Variants in GAPT observed in about 807,000 individuals in gnomAD.
GAPT encodes protein GAPT.
For missense variants in GAPT, 206 were observed against 189.2 expected (o/e 1.09, Z -0.52); for synonymous variants, 82 against 69.7 (o/e 1.18, Z -0.88).
rs1361787631 is a variant in GAPT, at chr5:58,495,332, AT to A, written c.*323del. 9.6e-5 allele frequency: 26 copies of A among 270,682 alleles called. No individual in the cohort carries two copies. Among genetic ancestry groups the A allele is most frequent in the African/African-American group, 5.1e-4 (23 of 44,956 alleles). The allele number at this position is 270,682 out of a possible 1,614,324, so 16.8% of individuals were successfully genotyped here. On this transcript the variant is annotated 3_prime_UTR_variant, in exon 3 of 3. Coordinates refer to ENST00000502276, the MANE Select transcript of GAPT (RefSeq NM_001304431.2). ...AGGGAGAGGTTCAGGGAAAAAAAAA[AT>A]ATCAGGTACTATGCTTAGTACACAC...
Position 58,496,806 on chromosome 5 carries a change from C to G in GAPT, c.*1796C>G, listed in dbSNP as rs1424296940. ...CTTCCATCATTCCCAGGACCAGCTT[C>G]TCTGCAACCTGTCAGAAGCACCAGC... On this transcript the variant is annotated 3_prime_UTR_variant, in exon 3 of 3. Coordinates refer to ENST00000502276, the MANE Select transcript of GAPT (RefSeq NM_001304431.2). 1 of 167,508 alleles carries G rather than the reference C, an allele frequency of 6.0e-6. No individual in the cohort carries two copies. The highest frequency in any genetic ancestry group is 2.4e-5 in the African/African-American group (1 of 41,470). 10.4% of individuals were successfully genotyped at this position (167,508 alleles called of 1,614,324 possible).
intron 2 of GAPT, 30 bp downstream of exon 2, chr5:58,493,868 A>G (rs1292835273): frequency 1.3e-5 from 2 of 152,264 alleles, no homozygotes; most frequent in East Asian, 3.9e-4. Context: ...GTGTCTGTAT[A>G]TGTCCCTTTT....
chr5:58,495,745 T>G lies in GAPT; in HGVS notation c.*735T>G, dbSNP rs1744430498. 6.0e-6 allele frequency: 1 copy of G among 166,200 alleles called. No homozygotes were observed. The highest frequency in any genetic ancestry group is 1.5e-5 in the Non-Finnish European group (1 of 68,126). The allele number at this position is 166,200 out of a possible 1,614,324, so 10.3% of individuals were successfully genotyped here. On this transcript the variant is annotated 3_prime_UTR_variant, in exon 3 of 3. Transcript: ENST00000502276. ...CCTAACTGTTCCTCCTGCTTCTAGT[T>G]TCTACCCACTCAATCAATTACCGAT...
chr5:58,496,127 C>A lies in GAPT; in HGVS notation c.*1117C>A, dbSNP rs1259956235. ...TATTTTCTGATATAAGCTTTGATGC[C>A]TCTTCAATTCTTAGGACATTTAAAC... On this transcript the variant is annotated 3_prime_UTR_variant, in exon 3 of 3. Coordinates refer to ENST00000502276, the MANE Select transcript of GAPT (RefSeq NM_001304431.2). 6.0e-6 allele frequency: 1 copy of A among 166,770 alleles called. No homozygotes were observed. The highest frequency in any genetic ancestry group is 6.5e-5 in the Admixed American group (1 of 15,274). The allele number at this position is 166,770 out of a possible 1,614,324, so 10.3% of individuals were successfully genotyped here.
intron 1 of GAPT, among the ~76,000 whole-genome samples, chr5:58,492,816 G>A (rs1255710337): frequency 6.6e-6 from 1 of 151,968 alleles, no homozygotes; most frequent in South Asian, 2.1e-4. Context: ...ATCCCATAAG[G>A]AGATTACTTC....
At position 58,494,966 on chromosome 5, in the gene GAPT, G is replaced by T; in HGVS notation, c.430G>T (p.Val144Phe). The change falls in exon 3 of 3, where the codon GTT (valine) becomes TTT (phenylalanine). Residue 144 changes from valine to phenylalanine, a missense_variant. Val to Phe is a conservative substitution (Grantham distance 50). Transcript: ENST00000502276. ...YNFQKPRPSE[V>F]PQDEDIYILP... Reference sequence around the variant, plus strand: ...CTTCCAGAAGCCTCGTCCTTCTGAAGTTCCTCAAGATGAAGATATATACAT... The same window carrying T: ...CTTCCAGAAGCCTCGTCCTTCTGAATTTCCTCAAGATGAAGATATATACAT... 1 of 1,612,990 alleles carries T rather than the reference G, an allele frequency of 6.2e-7. No individual in the cohort carries two copies. The highest frequency in any genetic ancestry group is 8.5e-7 in the Non-Finnish European group (1 of 1,179,250).
Position 58,494,835 on chromosome 5 carries a change from C to A in GAPT, c.299C>A (p.Pro100His), listed in dbSNP as rs367779138. Residue 100 changes from proline to histidine, a missense_variant, in exon 3 of 3, where the codon CCT (proline) becomes CAT (histidine). Pro to His is a moderately conservative substitution (Grantham distance 77, BLOSUM62 -2). Coordinates refer to ENST00000502276, the MANE Select transcript of GAPT (RefSeq NM_001304431.2). ...AACTATGAAAATGTGGAAGCAGGTCCTCCCAAAGCTAAAGGAAAAACCGAT... is the reference window on the plus strand; with the variant it reads ...AACTATGAAAATGTGGAAGCAGGTCATCCCAAAGCTAAAGGAAAAACCGAT... ...HDNYENVEAG[P>H]PKAKGKTDKE... 3 of 1,613,956 alleles carry A rather than the reference C, an allele frequency of 1.9e-6. No individual in the cohort carries two copies. The highest frequency in any genetic ancestry group is 1.1e-5 in the South Asian group (1 of 91,086).
Position 58,495,474 on chromosome 5 carries a change from T to C in GAPT, c.*464T>C. The C allele has an allele frequency of 5.9e-6, 1 of 169,146 alleles. No homozygotes were observed. The allele number at this position is 169,146 out of a possible 1,614,324, so 10.5% of individuals were successfully genotyped here. ...TTAAAATATTAAAAATAATTCACTG[T>C]GATTTTTATTGTACTGATGCCATTC... is the stretch of plus-strand genomic sequence containing the variant. On this transcript the variant is annotated 3_prime_UTR_variant, in exon 3 of 3. Coordinates refer to ENST00000502276, the MANE Select transcript of GAPT (RefSeq NM_001304431.2).
At position 58,494,411 on chromosome 5, in the gene GAPT, T is replaced by C; in HGVS notation, c.-126T>C. The C allele has an allele frequency of 1.4e-6, 1 of 715,860 alleles. No homozygotes were observed. 44.3% of individuals were successfully genotyped at this position (715,860 alleles called of 1,614,324 possible). ...CTTTACCAGATAATGTTCTTCCAGA[T>C]CTGAAAAGGAAAATGCCTAAAAGAG... On this transcript the variant is annotated 5_prime_UTR_variant, in exon 3 of 3. Coordinates refer to ENST00000502276, the MANE Select transcript of GAPT (RefSeq NM_001304431.2).
intron 1 of GAPT, among the ~76,000 whole-genome samples, chr5:58,492,144 C>T (rs955918456): frequency 1.3e-5 from 2 of 151,952 alleles, no homozygotes; most frequent in African/African-American, 4.8e-5. Flanking sequence ...GTAAAAATGC[C>T]TTTTCTTCTT....
chr5:58,493,871 T>C (rs1744341697), intron 2 of GAPT, 33 bp downstream of exon 2: 1 of 152,162 alleles, frequency 6.6e-6, no homozygotes, highest in South Asian at 2.1e-4. Flanking sequence ...TCTGTATATG[T>C]CCCTTTTTTT....
chr5:58,492,178 G>A (rs761738101), intron 1 of GAPT, among the ~76,000 whole-genome samples: 9 of 152,076 alleles, frequency 5.9e-5, no homozygotes, highest in African/African-American at 2.4e-5. Context: ...GTAATTTATT[G>A]CCTTATCCTC....
At position 58,494,987 on chromosome 5, in the gene GAPT, T is replaced by C. The variant is rs757004472; in HGVS notation, c.451T>C (p.Tyr151His). The C allele has an allele frequency of 9.9e-5, 158 of 1,600,038 alleles. No homozygotes were observed. Among genetic ancestry groups the C allele is most frequent in the Non-Finnish European group, 1.3e-4 (153 of 1,169,124 alleles). ...TGAAGTTCCTCAAGATGAAGATATA[T>C]ACATTCTTCCAGATTCATATTAGCT... ...PSEVPQDEDI[Y>H]ILPDSY Residue 151 changes from tyrosine (Y) to histidine (H), a missense_variant, in exon 3 of 3, where the codon TAC becomes CAC. Tyr to His is a moderately conservative substitution (Grantham distance 83). Coordinates refer to ENST00000502276, the MANE Select transcript of GAPT (RefSeq NM_001304431.2).
At position 58,494,923 on chromosome 5, in the gene GAPT, A is replaced by C. The variant is rs1326136751; in HGVS notation, c.387A>C (p.Thr129=). The C allele has an allele frequency of 6.2e-7, 1 of 1,613,994 alleles. No homozygotes were observed. The highest frequency in any genetic ancestry group is 1.7e-5 in the Admixed American group (1 of 59,998). ...NFEEHIYGNE[T]SSDYYNFQKP... ...AGGAGCATATCTATGGAAATGAGAC[A>C]TCTTCTGACTATTATAACTTCCAGA... Residue 129 remains threonine, a synonymous_variant, in exon 3 of 3, where the codon ACA becomes ACC. Transcript: ENST00000502276.
rs528720528 is a variant in GAPT, at chr5:58,494,498, G to A, written c.-39G>A. 6.7e-7 allele frequency: 1 copy of A among 1,490,236 alleles called. No individual in the cohort carries two copies. The highest frequency in any genetic ancestry group is 1.4e-5 in the African/African-American group (1 of 71,662). The allele number at this position is 1,490,236 out of a possible 1,614,324, so 92.3% of individuals were successfully genotyped here. A position where few individuals can be genotyped will look rare whatever the true frequency, so the allele number is the denominator to read the frequency against. ...AGAATTACACTGTGAATTCATTAAG[G>A]GTAACACCAAATCACTAAACAGCAC... is the stretch of plus-strand genomic sequence containing the variant. On this transcript the variant is annotated 5_prime_UTR_variant, in exon 3 of 3. Transcript: ENST00000502276.
intron 1 of GAPT, 75 bp downstream of exon 1, chr5:58,491,616 T>A (rs1053657126): frequency 6.6e-6 from 1 of 152,196 alleles, no homozygotes; most frequent in Non-Finnish European, 1.5e-5. Flanking sequence ...AATTAATCAA[T>A]GATTTTTATC....
In GAPT at chr5:58,496,387, T is replaced by C. The variant is rs1201728911; in HGVS notation, c.*1377T>C. ...AGGAATATTTGTTGTGTCTTCTATC[T>C]ACTTGCTATTGTGCTGTGCACCTGA... is the stretch of plus-strand genomic sequence containing the variant. On this transcript the variant is annotated 3_prime_UTR_variant, in exon 3 of 3. Coordinates refer to ENST00000502276, the MANE Select transcript of GAPT (RefSeq NM_001304431.2). The C allele has an allele frequency of 6.0e-6, 1 of 167,086 alleles. No homozygotes were observed. The highest frequency in any genetic ancestry group is 2.4e-5 in the African/African-American group (1 of 41,458). The allele number at this position is 167,086 out of a possible 1,614,324, so 10.4% of individuals were successfully genotyped here. A position where few individuals can be genotyped will look rare whatever the true frequency, so the allele number is the denominator to read the frequency against.
chr5:58,494,230 T>C lies in GAPT; in HGVS notation c.-290-17T>C. The C allele has an allele frequency of 4.1e-6, 1 of 245,674 alleles. No individual in the cohort carries two copies. Among genetic ancestry groups the C allele is most frequent in the Non-Finnish European group, 7.8e-6 (1 of 128,710 alleles). 15.2% of individuals were successfully genotyped at this position (245,674 alleles called of 1,614,324 possible). On this transcript the variant is annotated splice_polypyrimidine_tract_variant and intron_variant, in intron 2 of 2. Coordinates refer to ENST00000502276, the MANE Select transcript of GAPT (RefSeq NM_001304431.2). ...ATCTTCCACTCATTTCTGCTTCATT[T>C]TGTGATTCGTTAACAGAAAAGGAAG...
At position 58,494,672 on chromosome 5, in the gene GAPT, T is replaced by G. The variant is rs750865903; in HGVS notation, c.136T>G (p.Phe46Val). 1.2e-4 allele frequency: 199 copies of G among 1,613,686 alleles called. 1 individual carries two copies. The highest frequency in any genetic ancestry group is 1.5e-4 in the Non-Finnish European group (181 of 1,179,916). ...RVATRFTLPR[F>V]LQRRSSRRKV... ...TGCCACACGATTTACCTTACCGAGG[T>G]TTTTACAAAGGAGAAGCAGCAGGAG... The change falls in exon 3 of 3, where the codon TTT (phenylalanine) becomes GTT (valine). Residue 46 changes from phenylalanine to valine, a missense_variant. Coordinates refer to ENST00000502276, the MANE Select transcript of GAPT (RefSeq NM_001304431.2).
Sources: allele counts gnomAD v4.1 joint callset (sites outside exome capture counted in the v4.1 genomes callset), GRCh38; gene constraint gnomAD v4.1.1; transcripts MANE v1.5; gene names NCBI Gene and HGNC (gene_info 2026-07-23, HGNC 2026-07-21).